The following IWS1 variants were observed in gnomAD, a reference collection of about 807,000 sequenced individuals.
The protein encoded by IWS1 is protein IWS1 homolog.
Under a neutral mutation model 86.7 loss-of-function variants are expected in IWS1, and 27 were observed. The ratio of observed to expected loss-of-function variants is 0.31; its 90% CI spans 0.23 to 0.43. IWS1 has a LOEUF of 0.43. IWS1 is among the 20% of genes least tolerant of loss of function. The pLI is 1.00. For synonymous variants in IWS1, 313 were observed against 335.1 expected, an observed-to-expected ratio of 0.93 and a Z score of 0.72; for missense variants, 827 against 1,000.8, an observed-to-expected ratio of 0.83 and a Z score of 2.34.
At chr2:127,518,882 T>A (rs1323211668) in intron 2 of IWS1, among the ~76,000 whole-genome samples, 1 of 152,138 alleles carries the variant, frequency 6.6e-6, no homozygotes, top group African/African-American at 2.4e-5. Flanking sequence ...AGACAGGTGA[T>A]CTTTTTAAAG....
intron 13 of IWS1, among the ~76,000 whole-genome samples, chr2:127,481,795 A>G (rs1689644082): frequency 6.6e-6 from 1 of 152,178 alleles, no homozygotes; most frequent in African/African-American, 2.4e-5. Flanking sequence ...AGGAAATGAG[A>G]TAGTGATGTC....
intron 2 of IWS1, among the ~76,000 whole-genome samples, chr2:127,508,276 G>C (rs1691251422): frequency 6.6e-6 from 1 of 152,138 alleles, no homozygotes; most frequent in Non-Finnish European, 1.5e-5. Flanking sequence ...AGTATAGTGT[G>C]ACATGCACTA....
upstream of IWS1, chr2:127,526,510 T>C (rs1692431486): frequency 6.0e-6 from 9 of 1,489,258 alleles, no homozygotes; most frequent in Non-Finnish European, 8.1e-6. Flanking sequence ...CTCAAAGGAA[T>C]GCAGCGCGCA....
At chr2:127,526,764 CCTG>C (rs1322542989), upstream of IWS1, 1 of 1,077,028 alleles carries the variant, frequency 9.3e-7, no homozygotes, top group Non-Finnish European at 1.3e-6. Context: ...AAAATGAAGA[CCTG>C]CTCAAATGAC....
Position 127,489,644 on chromosome 2 carries a change from TAGG to T in IWS1, c.2159+185_2159+187del, listed in dbSNP as rs1230427259. On this transcript the variant is annotated intron_variant, in intron 11 of 13. Coordinates refer to ENST00000295321, the MANE Select transcript of IWS1 (RefSeq NM_017969.3). This position sits in a 1 kb window ranked among gnomAD's most constrained non-coding sequence, Gnocchi z 4.8. ...ACAAACTGACCCAGAAAGGTCTGGTTAGGAGGACAGGACCCTCACTATACACTA... is the reference window on the plus strand; with the variant it reads ...ACAAACTGACCCAGAAAGGTCTGGTTAGGACAGGACCCTCACTATACACTA... 1 of 572,108 alleles carries T rather than the reference TAGG, an allele frequency of 1.7e-6. No homozygotes were observed. Among genetic ancestry groups the T allele is most frequent in the Non-Finnish European group, 3.1e-6 (1 of 323,188 alleles). The allele number at this position is 572,108 out of a possible 1,614,324, so 35.4% of individuals were successfully genotyped here.
rs540243358 is a variant in IWS1, at chr2:127,489,600, T to A, written c.2159+232A>T. On this transcript the variant is annotated intron_variant, in intron 11 of 13. Coordinates refer to ENST00000295321, the MANE Select transcript of IWS1 (RefSeq NM_017969.3). The surrounding 1 kb of genome is among the most constrained non-coding windows in gnomAD (Gnocchi z 4.8). ...GGAACAACACAAGCAATCAGTATCCTGAAACAGGCCCTGTTCCAACAAACT... is the reference window on the plus strand; with the variant it reads ...GGAACAACACAAGCAATCAGTATCCAGAAACAGGCCCTGTTCCAACAAACT... 7 of 541,820 alleles carry A rather than the reference T, an allele frequency of 1.3e-5. No homozygotes were observed. The African/African-American group carries it at 1.3e-4, about 10-fold the overall frequency. 33.6% of individuals were successfully genotyped at this position (541,820 alleles called of 1,614,324 possible). A position where few individuals can be genotyped will look rare whatever the true frequency, so the allele number is the denominator to read the frequency against.
chr2:127,511,532 AT>A (rs1269324250), intron 2 of IWS1: 1 of 152,186 alleles, frequency 6.6e-6, no homozygotes, highest in Non-Finnish European at 1.5e-5. Flanking sequence ...CTGGTTAGCC[AT>A]TCCCTCCCTT....
chr2:127,511,815 A>G (rs2104720333), intron 2 of IWS1, among the ~76,000 whole-genome samples: 1 of 152,378 alleles, frequency 6.6e-6, no homozygotes, highest in South Asian at 2.1e-4. Context: ...AGGAAAATGT[A>G]GACAGAATCA....
intron 12 of IWS1, among the ~76,000 whole-genome samples, chr2:127,486,905 T>A (rs1689958572): frequency 6.6e-6 from 1 of 152,228 alleles, no homozygotes; most frequent in African/African-American, 2.4e-5. Flanking sequence ...TGCATTTGCA[T>A]GAATCCTTTT....
Position 127,489,030 on chromosome 2 carries a change from A to G in IWS1, c.2216+149T>C, listed in dbSNP as rs1271862160. On this transcript the variant is annotated intron_variant, in intron 12 of 13. Transcript: ENST00000295321. The surrounding 1 kb of genome is among the most constrained non-coding windows in gnomAD (Gnocchi z 4.8). ...TTTCCTTACATCCCCAGAGTACCCAATACAATGCTTTGTAGATACTAAACG... is the reference window on the plus strand; with the variant it reads ...TTTCCTTACATCCCCAGAGTACCCAGTACAATGCTTTGTAGATACTAAACG... 1 of 598,344 alleles carries G rather than the reference A, an allele frequency of 1.7e-6. No homozygotes were observed. Among genetic ancestry groups the G allele is most frequent in the African/African-American group, 1.9e-5 (1 of 53,174 alleles). 37.1% of individuals were successfully genotyped at this position (598,344 alleles called of 1,614,324 possible). A position where few individuals can be genotyped will look rare whatever the true frequency, so the allele number is the denominator to read the frequency against.
At chr2:127,487,969 C>T (rs1690018647) in intron 12 of IWS1, 1 of 152,556 alleles carries the variant, frequency 6.6e-6, no homozygotes, top group African/African-American at 2.4e-5. Flanking sequence ...CCTTCCTAAA[C>T]AAACTTTTCC....
At position 127,485,526 on chromosome 2, in the gene IWS1, C is replaced by T. The variant is rs1689882274; in HGVS notation, c.2328+1027G>A. On this transcript the variant is annotated intron_variant, in intron 13 of 13. Transcript: ENST00000295321. ...ACAGCAGGAAACAAGCTACCTCCCACCAGGAAACCACTAACTAGTTTATAT... is the reference window on the plus strand; with the variant it reads ...ACAGCAGGAAACAAGCTACCTCCCATCAGGAAACCACTAACTAGTTTATAT... 2.6e-5 allele frequency among the ~76,000 whole-genome samples: 4 copies of T among 152,308 alleles called. No individual in the cohort carries two copies. The South Asian group carries it at 8.3e-4, about 32-fold the overall frequency.
At chr2:127,526,926 C>A, upstream of IWS1, 1 of 284,658 alleles carries the variant, frequency 3.5e-6, no homozygotes, top group Non-Finnish European at 7.2e-6. Flanking sequence ...CTGGCGCGAT[C>A]CACAGCGCCT....
Position 127,526,352 on chromosome 2 carries a change from A to G in IWS1, c.-144T>C, listed in dbSNP as rs533108602. ...AACTTAACGGGTGCGGAGGGTAAGAAAGCGGTAGCGGCAAAGGCGAATTCT... is the reference window on the plus strand; with the variant it reads ...AACTTAACGGGTGCGGAGGGTAAGAGAGCGGTAGCGGCAAAGGCGAATTCT... On this transcript the variant is annotated 5_prime_UTR_variant, in exon 1 of 14. Coordinates refer to ENST00000295321, the MANE Select transcript of IWS1 (RefSeq NM_017969.3). The G allele has an allele frequency of 1.3e-6, 2 of 1,537,512 alleles. No individual in the cohort carries two copies. Among genetic ancestry groups the G allele is most frequent in the South Asian group, 1.2e-5 (1 of 83,660 alleles).
At chr2:127,524,544 T>C (rs1692282784) in intron 1 of IWS1, among the ~76,000 whole-genome samples, 1 of 151,572 alleles carries the variant, frequency 6.6e-6, no homozygotes, top group African/African-American at 2.4e-5. Flanking sequence ...ATAATTACTT[T>C]TTTTTTTTTT....
At chr2:127,519,048 ATT>A (rs905263387) in intron 2 of IWS1, among the ~76,000 whole-genome samples, 40 of 150,674 alleles carry the variant, frequency 2.7e-4, no homozygotes, top group African/African-American at 9.3e-4. Context: ...TATTTTGTTC[ATT>A]TTTTTTTGCA....
chr2:127,519,048 A>G (rs1558770193), intron 2 of IWS1, among the ~76,000 whole-genome samples: 1 of 150,568 alleles, frequency 6.6e-6, no homozygotes, highest in East Asian at 1.9e-4. Context: ...TATTTTGTTC[A>G]TTTTTTTTTG....
intron 2 of IWS1, among the ~76,000 whole-genome samples, chr2:127,518,127 A>G (rs985038546): frequency 7.2e-5 from 11 of 152,176 alleles, no homozygotes; most frequent in Non-Finnish European, 1.6e-4. Context: ...AGGTGATGAA[A>G]TTCTAAAACC....
chr2:127,505,656 C>T lies in IWS1; in HGVS notation c.247G>A (p.Glu83Lys), dbSNP rs768095036. Reference protein sequence around the residue: ...EPLNLNASDSESEELHRQKDS... With the variant: ...EPLNLNASDSKSEELHRQKDS... The stretch of plus-strand genomic sequence containing the variant: ...TTTTGCCTGTGAAGCTCCTCACTTT[C>T]AGAGTCACTAGCATTAAGATTTAAG... Residue 83 changes from glutamate (E) to lysine (K), a missense_variant, in exon 3 of 14, where the codon GAA becomes AAA. Transcript: ENST00000295321. This position sits in a 1 kb window ranked among gnomAD's most constrained non-coding sequence, Gnocchi z 5.0. The T allele has an allele frequency of 1.2e-6, 2 of 1,610,870 alleles. No individual in the cohort carries two copies. Among genetic ancestry groups the T allele is most frequent in the Non-Finnish European group, 1.7e-6 (2 of 1,178,316 alleles).
Sources: gnomAD v4.1 joint callset for allele counts (sites outside exome capture counted in the v4.1 genomes callset) on GRCh38, gnomAD v4.1.1 for gene constraint, Gnocchi (gnomAD v3.1) non-coding constraint, MANE v1.5 for transcripts, NCBI Gene and HGNC (gene_info 2026-07-23, HGNC 2026-07-21) for gene names.